SUGCT: variants seen among roughly 807,000 people sequenced by gnomAD.
SUGCT encodes the protein succinyl-CoA:glutarate CoA-transferase.
Under a neutral mutation model 55.0 loss-of-function variants are expected in SUGCT, and 41 were observed. That is an observed-to-expected ratio of 0.74 (90% CI 0.58 to 0.97). The LOEUF (loss-of-function observed/expected upper bound fraction) is 0.97, where lower values mean the gene tolerates loss of function less well. SUGCT is among the 50% of genes least tolerant of loss of function. SUGCT has a pLI of 0.00. For synonymous variants in SUGCT, 187 were observed against 200.4 expected (o/e 0.93, Z 0.56); for missense variants, 568 against 547.8 (o/e 1.04, Z -0.37).
intron 6 of SUGCT, among the ~76,000 whole-genome samples, chr7:40,216,812 C>T (rs530986690): frequency 2.7e-5 from 4 of 150,870 alleles, no homozygotes; most frequent in African/African-American, 7.3e-5. Context: ...GCTGAGAGTG[C>T]GCCATTGCAC....
intron 12 of SUGCT, among the ~76,000 whole-genome samples, chr7:40,562,365 T>C (rs1359499742): frequency 1.3e-5 from 2 of 151,376 alleles, no homozygotes; most frequent in African/African-American, 4.9e-5. Flanking sequence ...CATTCCATGC[T>C]GAGTGACTGA....
chr7:40,315,295 G>T (rs1439682522), intron 8 of SUGCT, among the ~76,000 whole-genome samples: 1 of 152,188 alleles, frequency 6.6e-6, no homozygotes, highest in Non-Finnish European at 1.5e-5. Flanking sequence ...GGGCATTTTT[G>T]CTACAAAATG....
chr7:41,005,933 T>G, the SUGCT span, among the ~76,000 whole-genome samples: 1 of 152,226 alleles, frequency 6.6e-6, no homozygotes, highest in Non-Finnish European at 1.5e-5. Flanking sequence ...GACTGCAACG[T>G]TCATTCACAA....
chr7:40,395,977 G>A, intron 9 of SUGCT, among the ~76,000 whole-genome samples: 1 of 152,130 alleles, frequency 6.6e-6, no homozygotes. Context: ...GCCTCTATAA[G>A]GACTTTTTTG....
chr7:40,608,616 C>G (rs1435521771), intron 12 of SUGCT, among the ~76,000 whole-genome samples: 1 of 152,196 alleles, frequency 6.6e-6, no homozygotes. Context: ...AGTATTTTCT[C>G]TAGCTCTAGG....
chr7:40,562,107 G>A (rs1476588289), intron 12 of SUGCT, among the ~76,000 whole-genome samples: 1 of 149,906 alleles, frequency 6.7e-6, no homozygotes, highest in Non-Finnish European at 1.5e-5. Context: ...AGACCATCCT[G>A]TCTAACATGG....
intron 1 of SUGCT, among the ~76,000 whole-genome samples, chr7:40,137,473 G>A (rs868525563): frequency 6.6e-6 from 1 of 152,078 alleles, no homozygotes; most frequent in South Asian, 2.1e-4. Context: ...ACTGATGGAC[G>A]CCTAATGAGT....
At chr7:40,662,328 C>G (rs1015312674) in intron 12 of SUGCT, among the ~76,000 whole-genome samples, 1 of 152,242 alleles carries the variant, frequency 6.6e-6, no homozygotes, top group African/African-American at 2.4e-5. Context: ...CTCACATCCT[C>G]TGTTCTCCTC....
At chr7:40,370,563 GGAGAGAGAGAGAGAA>G (rs1784243841) in intron 9 of SUGCT, among the ~76,000 whole-genome samples, 2 of 149,022 alleles carry the variant, frequency 1.3e-5, no homozygotes, top group Non-Finnish European at 1.5e-5. Flanking sequence ...GGAGGGCAAA[GGAGAGAGAGAGAGAA>G]GAGAGAGAGA....
At chr7:40,954,537 C>T in the SUGCT span, among the ~76,000 whole-genome samples, 7,958 of 152,246 alleles carry the variant, frequency 0.052, 216 homozygotes, top group South Asian at 0.074. Flanking sequence ...CCATCTTCTG[C>T]GTCGCTCACA....
intron 12 of SUGCT, among the ~76,000 whole-genome samples, chr7:40,660,100 C>T (rs1211574910): frequency 6.6e-6 from 1 of 152,190 alleles, no homozygotes; most frequent in Admixed American, 6.5e-5. Context: ...TATTCACCTT[C>T]AGTTTATAGG....
chr7:40,297,206 G>A (rs1794214660), intron 8 of SUGCT, among the ~76,000 whole-genome samples: 1 of 151,926 alleles, frequency 6.6e-6, no homozygotes, highest in Non-Finnish European at 1.5e-5. Context: ...AGCCATGCAT[G>A]TCCTGCCCTA....
rs565104320 is a variant in SUGCT at position 40,593,359 on chromosome 7, T to C, written c.1089+96973T>C. 6.6e-5 allele frequency among the ~76,000 whole-genome samples: 10 copies of C among 152,244 alleles called. No homozygotes were observed. In the East Asian group the frequency reaches 1.5e-3, roughly 24 times the overall value. On this transcript the variant is annotated intron_variant, in intron 12 of 13. Transcript: ENST00000335693. ...GAGAGGTAGGCATGGTCAAACCGTA[T>C]TATCCTTGGTTGGTGATTTTAGGGG...
At chr7:40,902,043 C>T in the SUGCT span, among the ~76,000 whole-genome samples, 1 of 152,134 alleles carries the variant, frequency 6.6e-6, no homozygotes, top group Non-Finnish European at 1.5e-5. Flanking sequence ...CTCACATGGG[C>T]TCAGAATTCG....
chr7:40,378,659 G>A (rs1378121484), intron 9 of SUGCT, among the ~76,000 whole-genome samples: 1 of 152,144 alleles, frequency 6.6e-6, no homozygotes, highest in Non-Finnish European at 1.5e-5. Context: ...TTTTAGCAGA[G>A]ATGGGGTTTT....
chr7:40,161,043 T>A (rs1339818933), intron 1 of SUGCT, among the ~76,000 whole-genome samples: 1 of 152,182 alleles, frequency 6.6e-6, no homozygotes, highest in Non-Finnish European at 1.5e-5. Flanking sequence ...AAAGCCTACC[T>A]CTGTCTTTGG....
chr7:40,759,652 T>C (rs1044147268), intron 13 of SUGCT, among the ~76,000 whole-genome samples: 1 of 152,152 alleles, frequency 6.6e-6, no homozygotes, highest in African/African-American at 2.4e-5. Flanking sequence ...GTTTTTTTTT[T>C]TACCTTACTT....
chr7:40,422,125 G>A (rs1478724381), intron 9 of SUGCT, among the ~76,000 whole-genome samples: 2 of 150,430 alleles, frequency 1.3e-5, no homozygotes, highest in Non-Finnish European at 3.0e-5. Context: ...ACACAATTAA[G>A]GTGGATTTAA....
At chr7:40,898,410 C>T in the SUGCT span, among the ~76,000 whole-genome samples, 1 of 139,692 alleles carries the variant, frequency 7.2e-6, no homozygotes, top group Non-Finnish European at 1.5e-5. Flanking sequence ...CCGGACACAT[C>T]ATCTTTAAGA....
Sources: gnomAD v4.1 joint callset for allele counts (sites outside exome capture counted in the v4.1 genomes callset) on GRCh38, gnomAD v4.1.1 for gene constraint, MANE v1.5 for transcripts, NCBI Gene and HGNC (gene_info 2026-07-23, HGNC 2026-07-21) for gene names.